RBFOX1: variants seen among roughly 807,000 people sequenced by gnomAD.
The protein encoded by RBFOX1 is RNA binding protein fox-1 homolog 1.
RBFOX1 carries 8 observed loss-of-function variants against 57.7 expected under a neutral mutation model. That is an observed-to-expected ratio of 0.14 (90% CI 0.08 to 0.25). The LOEUF (loss-of-function observed/expected upper bound fraction) is 0.25, where lower values mean the gene tolerates loss of function less well. Ranked by LOEUF, RBFOX1 falls within the 10% of genes least tolerant of loss-of-function variation. The pLI, the probability that RBFOX1 is intolerant of heterozygous loss-of-function variation, is 1.00. For missense variants in RBFOX1, 611 were observed against 548.5 expected (o/e 1.11, Z -1.14); for synonymous variants, 326 against 222.4 (o/e 1.47, Z -4.15).
chr16:6,511,298 C>T (rs1053891676), intron 2 of RBFOX1, among the ~76,000 whole-genome samples: 5 of 152,172 alleles, frequency 3.3e-5, no homozygotes, highest in African/African-American at 1.2e-4. Context: ...TGCTGGTTCA[C>T]TTTGGCTTGA....
intron 3 of RBFOX1, among the ~76,000 whole-genome samples, chr16:7,017,871 T>C (rs2093993521): frequency 6.6e-6 from 1 of 152,078 alleles, no homozygotes; most frequent in Admixed American, 6.6e-5. Flanking sequence ...AGAATTGGAG[T>C]CTTCGAGGCT....
intron 1 of RBFOX1, among the ~76,000 whole-genome samples, chr16:6,182,119 C>T (rs935010599): frequency 1.3e-5 from 2 of 152,170 alleles, no homozygotes; most frequent in African/African-American, 4.8e-5. Context: ...ATAGTGCATT[C>T]TGTTTGCCAC....
chr16:6,777,142 C>T (rs992003050), intron 3 of RBFOX1, among the ~76,000 whole-genome samples: 1 of 151,190 alleles, frequency 6.6e-6, no homozygotes, highest in Admixed American at 6.6e-5. Flanking sequence ...ATGCGATGTG[C>T]TACACATTTT....
At chr16:5,489,453 C>G (rs923974947) in intron 2 of RBFOX1, among the ~76,000 whole-genome samples, 1 of 152,232 alleles carries the variant, frequency 6.6e-6, no homozygotes, top group Non-Finnish European at 1.5e-5. Flanking sequence ...ACTGGATAGA[C>G]TTCCATTCAA....
intron 4 of RBFOX1, among the ~76,000 whole-genome samples, chr16:7,137,125 C>T (rs1051312589): frequency 6.6e-6 from 1 of 151,990 alleles, no homozygotes; most frequent in Non-Finnish European, 1.5e-5. Flanking sequence ...AAAATAAATA[C>T]CTAAAGAATG....
At chr16:6,610,227 A>C (rs546139222) in intron 2 of RBFOX1, among the ~76,000 whole-genome samples, 1 of 152,168 alleles carries the variant, frequency 6.6e-6, no homozygotes, top group Non-Finnish European at 1.5e-5. Flanking sequence ...TTTCTTTTCC[A>C]CTGTTTGTTT....
intron 3 of RBFOX1, among the ~76,000 whole-genome samples, chr16:5,660,440 G>A (rs2049608115): frequency 6.6e-6 from 1 of 152,138 alleles, no homozygotes; most frequent in South Asian, 2.1e-4. Flanking sequence ...TCCTCTAGAT[G>A]CTTGTCTCAG....
At chr16:6,406,112 C>G (rs1231084451) in intron 2 of RBFOX1, among the ~76,000 whole-genome samples, 1 of 152,216 alleles carries the variant, frequency 6.6e-6, no homozygotes. Context: ...TAAACTTTTC[C>G]ACATGTAGTA....
intron 2 of RBFOX1, among the ~76,000 whole-genome samples, chr16:6,319,680 C>A (rs565633833): frequency 1.3e-5 from 2 of 152,250 alleles, no homozygotes; most frequent in East Asian, 3.9e-4. Flanking sequence ...GAATGAGCTC[C>A]CAGGAACCAG....
intron 1 of RBFOX1, among the ~76,000 whole-genome samples, chr16:5,323,363 C>A (rs1049424826): frequency 6.6e-6 from 1 of 152,136 alleles, no homozygotes; most frequent in Non-Finnish European, 1.5e-5. Context: ...GATGACCCAA[C>A]GAATTGATTT....
intron 4 of RBFOX1, among the ~76,000 whole-genome samples, chr16:5,920,124 C>T (rs756478317): frequency 3.9e-5 from 6 of 152,154 alleles, no homozygotes; most frequent in South Asian, 4.2e-4. Context: ...TTGGTAGAGA[C>T]GGGATTTCAC....
At chr16:7,312,635 G>A (rs1173753663) in intron 4 of RBFOX1, among the ~76,000 whole-genome samples, 1 of 152,072 alleles carries the variant, frequency 6.6e-6, no homozygotes, top group East Asian at 1.9e-4. Context: ...TGTGTCACTG[G>A]ATTGTAATAT....
intron 4 of RBFOX1, among the ~76,000 whole-genome samples, chr16:7,372,421 G>A (rs983399112): frequency 6.6e-6 from 1 of 152,146 alleles, no homozygotes; most frequent in Non-Finnish European, 1.5e-5. Flanking sequence ...TTCTCCTTAT[G>A]CCTCTTTATT....
intron 2 of RBFOX1, among the ~76,000 whole-genome samples, chr16:6,546,409 A>C (rs1468209197): frequency 1.3e-5 from 2 of 152,224 alleles, no homozygotes; most frequent in African/African-American, 2.4e-5. Flanking sequence ...AAGGAGCCCA[A>C]AGTCAGGGTG....
At chr16:5,301,695 C>T (rs888411388) in intron 1 of RBFOX1, among the ~76,000 whole-genome samples, 1 of 151,172 alleles carries the variant, frequency 6.6e-6, no homozygotes, top group Non-Finnish European at 1.5e-5. Flanking sequence ...CTTAGCAAAT[C>T]CTTGAGATAA....
At chr16:7,322,861 C>T (rs1326728880) in intron 4 of RBFOX1, among the ~76,000 whole-genome samples, 1 of 152,132 alleles carries the variant, frequency 6.6e-6, no homozygotes, top group African/African-American at 2.4e-5. Context: ...GTTTTCTCCT[C>T]CAGTGGTTAT....
intron 14 of RBFOX1, among the ~76,000 whole-genome samples, chr16:7,682,634 A>G (rs913567761): frequency 6.6e-6 from 1 of 151,158 alleles, no homozygotes; most frequent in Non-Finnish European, 1.5e-5. Flanking sequence ...ATGATCTGTC[A>G]AGTTGTAATA....
rs375084936 is a variant in RBFOX1, at chr16:6,533,584, AT to A, written c.-63-121007del. ...ATATGGTAACATACAGAGTCAAGTG[AT>A]TTTTTTTTTTTCCTTGAAAAAGCAC... On this transcript the variant is annotated intron_variant, in intron 2 of 15. Transcript: ENST00000550418. Among the ~76,000 whole-genome samples the A allele has an allele frequency of 1.9e-3, 285 of 149,006 alleles. 2 individuals carry two copies. The highest frequency in any genetic ancestry group is 3.4e-3 in the Middle Eastern group (1 of 290).
At chr16:6,769,977 G>C (rs1029003920) in intron 3 of RBFOX1, among the ~76,000 whole-genome samples, 1 of 152,104 alleles carries the variant, frequency 6.6e-6, no homozygotes, top group African/African-American at 2.4e-5. Flanking sequence ...GCAGGCTACA[G>C]GTCCTTTATG....
Sources: allele counts gnomAD v4.1 joint callset (sites outside exome capture counted in the v4.1 genomes callset), GRCh38; gene constraint gnomAD v4.1.1; transcripts MANE v1.5; gene names NCBI Gene and HGNC (gene_info 2026-07-23, HGNC 2026-07-21).